Variants in UGT1A6 observed in about 807,000 individuals in gnomAD.
The protein encoded by UGT1A6 is UDP glucuronosyltransferase family 1 member A6, also known as UDP-glucuronosyltransferase 1A6.
In UGT1A6, 32 loss-of-function variants were observed where a neutral mutation model predicts 44.4. The observed-to-expected ratio is 0.72, with a 90% CI of 0.54 to 0.97. UGT1A6 has a LOEUF of 0.97. Among genes scored for constraint, UGT1A6 ranks in the 50% least tolerant of loss-of-function variants. UGT1A6 has a pLI of 0.00. For synonymous variants in UGT1A6, 238 were observed against 248.5 expected (o/e 0.96, Z 0.40); for missense variants, 685 against 661.9 (o/e 1.03, Z -0.38).
intron 1 of UGT1A6, chr2:233,729,089 G>T (rs373016756): frequency 1.2e-6 from 2 of 1,612,560 alleles, no homozygotes; most frequent in Non-Finnish European, 1.7e-6. Flanking sequence ...CAGGCACAGC[G>T]TGGGGTGGAC....
At position 233,725,179 on chromosome 2, in the gene UGT1A6, G is replaced by GAGAGGCAGAGGC. The variant is rs879478240; in HGVS notation, c.861+31344_861+31355dup. Among the ~76,000 whole-genome samples the GAGAGGCAGAGGC allele has an allele frequency of 1.3e-4, 9 of 67,606 alleles. 4 individuals carry two copies. Among genetic ancestry groups the GAGAGGCAGAGGC allele is most frequent in the South Asian group, 1.1e-3 (2 of 1,884 alleles). The allele number at this position is 67,606 out of a possible 152,430, so 44.4% of individuals were successfully genotyped here. A position where few individuals can be genotyped will look rare whatever the true frequency, so the allele number is the denominator to read the frequency against. ...CTCTGCATGAGAGGGAGACCGTGGGGAGAGGCAGAGGCAGAGGCAGAGGCA... is the reference window on the plus strand; with the variant it reads ...CTCTGCATGAGAGGGAGACCGTGGGGAGAGGCAGAGGCAGAGGCAGAGGCAGAGGCAGAGGCA... On this transcript the variant is annotated intron_variant, in intron 1 of 4. Transcript: ENST00000305139.
intron 1 of UGT1A6, among the ~76,000 whole-genome samples, chr2:233,697,719 TTCTC>T (rs1575461690): frequency 6.6e-6 from 1 of 152,276 alleles, no homozygotes; most frequent in East Asian, 1.9e-4. Flanking sequence ...TGTTAAAAAC[TTCTC>T]TCTTAGTTCT....
rs2077098328 is a variant in UGT1A6, at chr2:233,723,542, AT to A, written c.861+29684del. ...TTTTTTTTTTTTTTTTTTTTAATTT[AT>A]TTTTTTATTGATAATTCTTGGGTGT... On this transcript the variant is annotated intron_variant, in intron 1 of 4. Coordinates refer to ENST00000305139, the MANE Select transcript of UGT1A6 (RefSeq NM_001072.4). 4.0e-5 allele frequency among the ~76,000 whole-genome samples: 3 copies of A among 74,540 alleles called. No individual in the cohort carries two copies. The East Asian group carries it at 1.2e-3, about 29-fold the overall frequency. 48.9% of individuals were successfully genotyped at this position (74,540 alleles called of 152,430 possible).
At chr2:233,695,026 A>G (rs1281152166) in intron 1 of UGT1A6, among the ~76,000 whole-genome samples, 1 of 152,126 alleles carries the variant, frequency 6.6e-6, no homozygotes, top group Non-Finnish European at 1.5e-5. Flanking sequence ...GAACTGCAGT[A>G]TACATTCTTG....
At chr2:233,744,211 G>A (rs1692734898) in intron 1 of UGT1A6, among the ~76,000 whole-genome samples, 1 of 151,828 alleles carries the variant, frequency 6.6e-6, no homozygotes, top group African/African-American at 2.4e-5. Context: ...GGGAAAAAGA[G>A]GTTGGGGAAA....
At chr2:233,749,031 C>A (rs1694088347) in intron 1 of UGT1A6, among the ~76,000 whole-genome samples, 1 of 151,676 alleles carries the variant, frequency 6.6e-6, no homozygotes, top group African/African-American at 2.4e-5. Context: ...ATTTGGGGTT[C>A]ATTGATGTGG....
intron 1 of UGT1A6, chr2:233,712,947 G>A: frequency 1.2e-6 from 2 of 1,612,674 alleles, no homozygotes; most frequent in South Asian, 1.1e-5. Context: ...ATTCTAGGAG[G>A]CACAACGTGG....
intron 1 of UGT1A6, among the ~76,000 whole-genome samples, chr2:233,709,199 A>G (rs1321216422): frequency 1.3e-5 from 2 of 152,130 alleles, no homozygotes; most frequent in Non-Finnish European, 2.9e-5. Context: ...GTGGATCCTC[A>G]CCAGAAGTAC....
At chr2:233,709,533 T>C (rs2076081287) in intron 1 of UGT1A6, among the ~76,000 whole-genome samples, 1 of 152,184 alleles carries the variant, frequency 6.6e-6, no homozygotes, top group African/African-American at 2.4e-5. Flanking sequence ...TTTTTCCTAC[T>C]GTGATATATG....
chr2:233,729,641 T>C (rs2077899258), intron 1 of UGT1A6: 1 of 1,613,944 alleles, frequency 6.2e-7, no homozygotes, highest in Non-Finnish European at 8.5e-7. Flanking sequence ...ACTGTGTTTT[T>C]TTTGAGGAAC....
intron 1 of UGT1A6, chr2:233,743,295 G>A (rs1319359883): frequency 1.8e-6 from 1 of 548,688 alleles, no homozygotes; most frequent in African/African-American, 2.0e-5. Flanking sequence ...CATTCTCAAT[G>A]ATTCTCTTGG....
intron 1 of UGT1A6, among the ~76,000 whole-genome samples, chr2:233,700,285 C>T (rs1355294165): frequency 6.6e-6 from 1 of 152,200 alleles, no homozygotes; most frequent in Non-Finnish European, 1.5e-5. Flanking sequence ...TTTTAAAATA[C>T]GTGACTTAGG....
At position 233,731,426 on chromosome 2, in the gene UGT1A6, C is replaced by A. The variant is rs575531992; in HGVS notation, c.862-35608C>A. Among the ~76,000 whole-genome samples, 3 of 152,128 alleles carry A rather than the reference C, an allele frequency of 2.0e-5. No homozygotes were observed. The South Asian group carries it at 6.2e-4, about 32-fold the overall frequency. On this transcript the variant is annotated intron_variant, in intron 1 of 4. Coordinates refer to ENST00000305139, the MANE Select transcript of UGT1A6 (RefSeq NM_001072.4). ...CATTAGGTATTTTTCCTAATGCCATCCCTCCCCCAGTCCCCCACCCCACAA... is the reference window on the plus strand; with the variant it reads ...CATTAGGTATTTTTCCTAATGCCATACCTCCCCCAGTCCCCCACCCCACAA...
chr2:233,720,145 C>T (rs1311808159), intron 1 of UGT1A6, among the ~76,000 whole-genome samples: 2 of 152,118 alleles, frequency 1.3e-5, no homozygotes, highest in Non-Finnish European at 2.9e-5. Context: ...CCTAGGCACT[C>T]ACAGGAAGTA....
At chr2:233,745,089 C>G (rs542765504) in intron 1 of UGT1A6, among the ~76,000 whole-genome samples, 1 of 151,738 alleles carries the variant, frequency 6.6e-6, no homozygotes, top group Admixed American at 6.5e-5. Flanking sequence ...ATTGCTCTTC[C>G]CCCCAAATAT....
chr2:233,758,000 G>A (rs956611939), intron 1 of UGT1A6, among the ~76,000 whole-genome samples: 37 of 152,052 alleles, frequency 2.4e-4, no homozygotes, highest in Admixed American at 5.2e-4. Context: ...GTAATTGCCT[G>A]GTCATGAGTT....
chr2:233,705,759 G>T (rs2125601596), intron 1 of UGT1A6, among the ~76,000 whole-genome samples: 1 of 152,288 alleles, frequency 6.6e-6, no homozygotes. Context: ...CAGATCAGCT[G>T]CATACTTTGA....
rs575083074 is a variant in UGT1A6, at chr2:233,732,492, C to T, written c.862-34542C>T. ...ATCTGGAATTAATTTTTGTATAAGGCGTAAGGAAGGGATCCTGTTCCAGCT... is the reference window on the plus strand; with the variant it reads ...ATCTGGAATTAATTTTTGTATAAGGTGTAAGGAAGGGATCCTGTTCCAGCT... On this transcript the variant is annotated intron_variant, in intron 1 of 4. Transcript: ENST00000305139. 1.1e-3 allele frequency among the ~76,000 whole-genome samples: 168 copies of T among 152,214 alleles called. 2 individuals are homozygous for T. Among genetic ancestry groups the T allele is most frequent in the Middle Eastern group, 0.01 (3 of 294 alleles).
In UGT1A6 at chr2:233,693,845, A is replaced by C; in HGVS notation, c.841A>C (p.Lys281Gln). 6.2e-7 allele frequency: 1 copy of C among 1,614,152 alleles called. No individual in the cohort carries two copies. Among genetic ancestry groups the C allele is most frequent in the African/African-American group, 1.3e-5 (1 of 75,038 alleles). ...CTTCATTGGAGGTATCAACTGTAAG[A>C]AGAGGAAAGACTTGTCTCAGGTTGG... ...MVFIGGINCK[K>Q]RKDLSQEFEA... The change falls in exon 1 of 5, where the codon AAG becomes CAG. Residue 281 changes from lysine (K) to glutamine (Q), a missense_variant. Coordinates refer to ENST00000305139, the MANE Select transcript of UGT1A6 (RefSeq NM_001072.4).
Sources: allele counts gnomAD v4.1 joint callset (sites outside exome capture counted in the v4.1 genomes callset), GRCh38; gene constraint gnomAD v4.1.1; transcripts MANE v1.5; gene names NCBI Gene and HGNC (gene_info 2026-07-23, HGNC 2026-07-21).